OPCML: variants seen among roughly 807,000 people sequenced by gnomAD.
The protein encoded by OPCML is opioid binding protein/cell adhesion molecule like, also known as opioid-binding protein/cell adhesion molecule.
In OPCML, 13 loss-of-function variants were observed where a neutral mutation model predicts 37.8. That is an observed-to-expected ratio of 0.34 (90% CI 0.22 to 0.55). OPCML has a LOEUF of 0.55. OPCML is among the 20% of genes least tolerant of loss of function. The pLI is 0.91. For synonymous variants in OPCML, 176 were observed against 168.8 expected (o/e 1.04, Z -0.33); for missense variants, 341 against 435.6 (o/e 0.78, Z 1.93).
chr11:133,305,897 C>T (rs148867657), intron 1 of OPCML, among the ~76,000 whole-genome samples: 3 of 152,234 alleles, frequency 2.0e-5, no homozygotes, highest in Non-Finnish European at 4.4e-5. Context: ...TGGGGTCAAA[C>T]GACTCACCAG....
intron 1 of OPCML, among the ~76,000 whole-genome samples, chr11:133,032,037 C>A (rs1947684263): frequency 6.6e-6 from 1 of 152,152 alleles, no homozygotes; most frequent in South Asian, 2.1e-4. Flanking sequence ...ACTCTCTGTT[C>A]AAAATCAGAT....
At chr11:133,252,743 C>A (rs1941176423) in intron 1 of OPCML, among the ~76,000 whole-genome samples, 1 of 152,062 alleles carries the variant, frequency 6.6e-6, no homozygotes, top group Non-Finnish European at 1.5e-5. Flanking sequence ...TTCCCTTGAC[C>A]CTCATTCTGC....
intron 1 of OPCML, among the ~76,000 whole-genome samples, chr11:133,018,898 C>CGCTCCCATGA (rs1166037022): frequency 6.6e-6 from 1 of 152,218 alleles, no homozygotes; most frequent in Non-Finnish European, 1.5e-5. Context: ...CTCTGTGTGC[C>CGCTCCCATGA]GCTCCCATGA....
intron 3 of OPCML, among the ~76,000 whole-genome samples, chr11:132,572,539 C>T (rs1445672545): frequency 6.6e-6 from 1 of 152,024 alleles, no homozygotes; most frequent in Non-Finnish European, 1.5e-5. Flanking sequence ...TCTTGGCACC[C>T]TTGTTGAAGA....
intron 1 of OPCML, among the ~76,000 whole-genome samples, chr11:133,250,954 G>A (rs530388936): frequency 5.7e-4 from 87 of 152,184 alleles, no homozygotes; most frequent in Admixed American, 4.4e-3. Context: ...CCAAGCAGGA[G>A]GAGGAACAGC....
At chr11:133,006,391 A>G (rs1248354284) in intron 1 of OPCML, 11 of 965,774 alleles carry the variant, frequency 1.1e-5, no homozygotes, top group Non-Finnish European at 1.4e-5. Flanking sequence ...CCATGGGACA[A>G]AGAACCCCAT....
intron 1 of OPCML, among the ~76,000 whole-genome samples, chr11:133,073,678 CG>C (rs1948579527): frequency 6.6e-6 from 1 of 152,180 alleles, no homozygotes; most frequent in Admixed American, 6.5e-5. Context: ...GTAGCAAATG[CG>C]AAGTCACCGT....
intron 1 of OPCML, among the ~76,000 whole-genome samples, chr11:133,129,019 T>G (rs1201345136): frequency 6.6e-6 from 1 of 152,116 alleles, no homozygotes; most frequent in Non-Finnish European, 1.5e-5. Context: ...CCGCGAGAGC[T>G]GGAAAACAAA....
At chr11:133,410,766 A>C (rs2136866643) in intron 1 of OPCML, among the ~76,000 whole-genome samples, 1 of 151,998 alleles carries the variant, frequency 6.6e-6, no homozygotes, top group South Asian at 2.1e-4. Context: ...AATATATTTA[A>C]AATAAACCTC....
At chr11:132,436,631 A>AACTGTTCAGT in intron 6 of OPCML, 28 bp downstream of exon 6, 2 of 1,612,470 alleles carry the variant, frequency 1.2e-6, no homozygotes, top group East Asian at 2.2e-5. Flanking sequence ...TCTGCTTCAG[A>AACTGTTCAGT]ACTGTCCAGG....
At chr11:132,941,917 C>T (rs1031124670) in intron 2 of OPCML, among the ~76,000 whole-genome samples, 1 of 152,180 alleles carries the variant, frequency 6.6e-6, no homozygotes, top group Non-Finnish European at 1.5e-5. Flanking sequence ...ACAGGAAGAA[C>T]CCCCACCGTC....
At chr11:132,533,025 C>T (rs1185665765) in intron 3 of OPCML, among the ~76,000 whole-genome samples, 1 of 152,134 alleles carries the variant, frequency 6.6e-6, no homozygotes, top group African/African-American at 2.4e-5. Context: ...TGAATCTATA[C>T]ATATTGCTAC....
At chr11:132,969,207 G>T (rs1946285589) in intron 1 of OPCML, among the ~76,000 whole-genome samples, 2 of 131,786 alleles carry the variant, frequency 1.5e-5, no homozygotes, top group Admixed American at 1.7e-4. Context: ...AACTATTTTT[G>T]ATTGACTCTT....
At chr11:132,733,471 CT>C (rs1945153539) in intron 2 of OPCML, among the ~76,000 whole-genome samples, 1 of 151,958 alleles carries the variant, frequency 6.6e-6, no homozygotes. Flanking sequence ...GATCATTCTA[CT>C]TGCTGAGATT....
intron 3 of OPCML, among the ~76,000 whole-genome samples, chr11:132,612,699 C>T (rs1447048549): frequency 2.0e-5 from 3 of 152,120 alleles, no homozygotes; most frequent in East Asian, 1.9e-4. Flanking sequence ...AACAAATGAT[C>T]CCCTATAGGG....
At chr11:132,480,110 G>T (rs1030954187) in intron 4 of OPCML, among the ~76,000 whole-genome samples, 2 of 152,014 alleles carry the variant, frequency 1.3e-5, no homozygotes, top group Non-Finnish European at 1.5e-5. Flanking sequence ...CAAAGAAGTT[G>T]AAAACTTTGA....
chr11:133,346,206 C>T (rs764578665), intron 1 of OPCML, among the ~76,000 whole-genome samples: 39 of 152,254 alleles, frequency 2.6e-4, no homozygotes, highest in Non-Finnish European at 7.3e-5. Context: ...TAGTTGTCAA[C>T]GTTACCATTG....
intron 1 of OPCML, among the ~76,000 whole-genome samples, chr11:133,509,283 A>G (rs183698253): frequency 3.2e-4 from 48 of 152,210 alleles, no homozygotes; most frequent in Admixed American, 7.2e-4. Context: ...ATATGTTCTC[A>G]TTATTCAGCT....
At chr11:132,923,920 C>T (rs866390533) in intron 2 of OPCML, among the ~76,000 whole-genome samples, 3 of 151,952 alleles carry the variant, frequency 2.0e-5, no homozygotes, top group East Asian at 1.9e-4. Context: ...TGTGTCACTA[C>T]GCCCAGCTAA....
Sources: gnomAD v4.1 joint callset for allele counts (sites outside exome capture counted in the v4.1 genomes callset) on GRCh38, gnomAD v4.1.1 for gene constraint, MANE v1.5 for transcripts, NCBI Gene and HGNC (gene_info 2026-07-23, HGNC 2026-07-21) for gene names.